SLIT3: variants seen among roughly 807,000 people sequenced by gnomAD.
SLIT3 encodes slit guidance ligand 3.
A neutral mutation model predicts 184.0 loss-of-function variants in SLIT3; 68 were observed. The observed-to-expected ratio is 0.37, with a 90% CI of 0.30 to 0.45. The LOEUF is 0.45. Ranked by LOEUF, SLIT3 falls within the 20% of genes least tolerant of loss-of-function variation. The pLI is 1.00. For missense variants in SLIT3, 1,707 were observed against 2,026.0 expected (o/e 0.84, Z 3.02); for synonymous variants, 831 against 828.6 (o/e 1.00, Z -0.05).
intron 4 of SLIT3, among the ~76,000 whole-genome samples, chr5:168,931,997 C>T (rs1011789009): frequency 2.0e-5 from 3 of 152,086 alleles, no homozygotes; most frequent in Non-Finnish European, 2.9e-5. Flanking sequence ...TGTAGTGAAC[C>T]CTGACTCTGC....
At chr5:169,224,729 C>G (rs1209666785) in intron 3 of SLIT3, among the ~76,000 whole-genome samples, 2 of 152,234 alleles carry the variant, frequency 1.3e-5, no homozygotes, top group Admixed American at 1.3e-4. Context: ...CTCTGTTGCC[C>G]AGGCTGGAGT....
chr5:168,792,310 T>C (rs1000576850), intron 10 of SLIT3: 4 of 152,202 alleles, frequency 2.6e-5, no homozygotes, highest in African/African-American at 9.7e-5. Flanking sequence ...TTCTCAAACC[T>C]CACGAGGGTG....
At chr5:169,277,138 T>C (rs1766834895) in intron 1 of SLIT3, among the ~76,000 whole-genome samples, 1 of 151,756 alleles carries the variant, frequency 6.6e-6, no homozygotes, top group Non-Finnish European at 1.5e-5. Flanking sequence ...ATTCTGGAAA[T>C]ATGCTGGACA....
chr5:168,724,435 G>A lies in SLIT3; in HGVS notation c.2320C>T (p.Leu774Phe). ...LTAVPRELSA[L>F]RHLTLIDLSN... ...CCTTACATAAGCGTCAGGTGTCGGA[G>A]GGCGGACAGCTCTCTGGGCACGGCT... The change falls in exon 21 of 36, where the codon CTC (leucine) becomes TTC (phenylalanine). Residue 774 changes from leucine (L) to phenylalanine (F), a missense_variant. Physicochemically the swap from Leu to Phe is conservative, Grantham distance 22. Transcript: ENST00000519560. 2 of 1,612,972 alleles carry A rather than the reference G, an allele frequency of 1.2e-6. No individual in the cohort carries two copies. Among genetic ancestry groups the A allele is most frequent in the South Asian group, 1.1e-5 (1 of 90,994 alleles).
At chr5:169,042,947 A>G (rs748035310) in intron 4 of SLIT3, among the ~76,000 whole-genome samples, 1 of 152,224 alleles carries the variant, frequency 6.6e-6, no homozygotes, top group Non-Finnish European at 1.5e-5. Flanking sequence ...ATGTTTCATT[A>G]TCCATAAAAC....
chr5:169,093,834 A>G (rs903753208), intron 4 of SLIT3, among the ~76,000 whole-genome samples: 3 of 152,198 alleles, frequency 2.0e-5, no homozygotes, highest in Non-Finnish European at 4.4e-5. Context: ...GTGTGATCTT[A>G]TAAGCATGGC....
chr5:168,684,046 G>C lies in SLIT3; in HGVS notation c.3606C>G (p.Asp1202Glu). 1.9e-6 allele frequency: 3 copies of C among 1,608,054 alleles called. No individual in the cohort carries two copies. The highest frequency in any genetic ancestry group is 2.5e-6 in the Non-Finnish European group (3 of 1,176,970). ...CCTGGTACAGCTCCAGTGCCAGGGG[G>C]TCATTGTCTCCTTTGTAGAGAAGGA... Reference protein sequence around the residue: ...NGILLYKGDNDPLALELYQGH... With the variant: ...NGILLYKGDNEPLALELYQGH... Residue 1202 changes from aspartate to glutamate, a missense_variant, in exon 32 of 36, where the codon GAC becomes GAG. Transcript: ENST00000519560.
At chr5:169,029,040 G>A (rs1756932972) in intron 4 of SLIT3, among the ~76,000 whole-genome samples, 1 of 152,132 alleles carries the variant, frequency 6.6e-6, no homozygotes, top group Non-Finnish European at 1.5e-5. Flanking sequence ...CAGAAGAGGG[G>A]GTGTGCAAAC....
intron 4 of SLIT3, among the ~76,000 whole-genome samples, chr5:168,918,503 G>A (rs1327175538): frequency 6.6e-6 from 1 of 152,204 alleles, no homozygotes; most frequent in Non-Finnish European, 1.5e-5. Context: ...CTAAGGTGAG[G>A]GTTTGAGAAG....
At chr5:168,848,628 T>G (rs974933462) in intron 5 of SLIT3, among the ~76,000 whole-genome samples, 1 of 151,820 alleles carries the variant, frequency 6.6e-6, no homozygotes, top group African/African-American at 2.4e-5. Context: ...ACAATATGAG[T>G]GCTAAAATGA....
chr5:168,713,241 C>A (rs1408951169), intron 23 of SLIT3, among the ~76,000 whole-genome samples: 1 of 152,178 alleles, frequency 6.6e-6, no homozygotes, highest in African/African-American at 2.4e-5. Context: ...AGGGGCCGGG[C>A]ACCCCACTTG....
In SLIT3 at chr5:168,815,172, T is replaced by G. The variant is rs147473947; in HGVS notation, c.793+2128A>C. 1.1e-3 allele frequency among the ~76,000 whole-genome samples: 175 copies of G among 152,348 alleles called. 3 individuals are homozygous for G. The East Asian group carries it at 0.026, about 23-fold the overall frequency. ...GGGATTAACTGCTATAAACAGAAGT[T>G]GATAAAGGTGCTCCCACGTAACTAC... On this transcript the variant is annotated intron_variant, in intron 8 of 35. Transcript: ENST00000519560.
intron 4 of SLIT3, among the ~76,000 whole-genome samples, chr5:168,899,751 T>C (rs1760802273): frequency 1.3e-5 from 2 of 152,202 alleles, no homozygotes; most frequent in Non-Finnish European, 2.9e-5. Context: ...AAATCTTGGT[T>C]AAACGCTTGA....
chr5:169,091,920 G>A (rs1759601791), intron 4 of SLIT3, among the ~76,000 whole-genome samples: 1 of 152,180 alleles, frequency 6.6e-6, no homozygotes, highest in Non-Finnish European at 1.5e-5. Context: ...ATCACTGAGA[G>A]GCCCAGAAAA....
intron 3 of SLIT3, among the ~76,000 whole-genome samples, chr5:169,204,220 T>A (rs1225163787): frequency 1.3e-5 from 2 of 152,008 alleles, no homozygotes; most frequent in Non-Finnish European, 2.9e-5. Flanking sequence ...AGGAACTGGT[T>A]AGCCAACTTC....
At chr5:169,258,385 G>A (rs1186324219) in intron 1 of SLIT3, among the ~76,000 whole-genome samples, 1 of 152,180 alleles carries the variant, frequency 6.6e-6, no homozygotes, top group Non-Finnish European at 1.5e-5. Context: ...TAGTAACTTT[G>A]CTTCCCCCAC....
intron 4 of SLIT3, among the ~76,000 whole-genome samples, chr5:168,915,904 G>C (rs1465226300): frequency 6.6e-6 from 1 of 152,196 alleles, no homozygotes; most frequent in Non-Finnish European, 1.5e-5. Context: ...AATATGGACT[G>C]TATATGGGAT....
chr5:169,163,827 C>T (rs754682357), intron 4 of SLIT3, among the ~76,000 whole-genome samples: 8 of 152,158 alleles, frequency 5.3e-5, no homozygotes, highest in Non-Finnish European at 8.8e-5. Context: ...TGCGCTCTTC[C>T]AATCTTACCA....
intron 23 of SLIT3, among the ~76,000 whole-genome samples, chr5:168,718,451 C>T (rs62377327): frequency 0.18 from 27,558 of 152,020 alleles, 3,030 homozygotes; most frequent in East Asian, 0.41. Flanking sequence ...TGGGGCAAGA[C>T]AGTTGGGACC....
Sources: allele counts gnomAD v4.1 joint callset (sites outside exome capture counted in the v4.1 genomes callset), GRCh38; gene constraint gnomAD v4.1.1; transcripts MANE v1.5; gene names NCBI Gene and HGNC (gene_info 2026-07-23, HGNC 2026-07-21).